CORO1A: variants seen among roughly 807,000 people sequenced by gnomAD.
The protein encoded by CORO1A is coronin-1A.
CORO1A carries 17 observed loss-of-function variants against 44.1 expected under a neutral mutation model. The observed-to-expected ratio is 0.39, with a 90% CI of 0.26 to 0.58. The LOEUF is 0.58. Ranked by LOEUF, CORO1A falls within the 20% of genes least tolerant of loss-of-function variation. The pLI is 0.62. For synonymous variants in CORO1A, 271 were observed against 244.2 expected (o/e 1.11, Z -1.02); for missense variants, 415 against 606.5 (o/e 0.68, Z 3.32).
chr16:30,187,622 A>C, intron 6 of CORO1A, 103 bp from the exon 7 acceptor site: 1 of 1,492,410 alleles, frequency 6.7e-7, no homozygotes, highest in Non-Finnish European at 9.2e-7. Flanking sequence ...CAGGCGTGAG[A>C]TGGTTGTTCC....
At chr16:30,188,731 G>A in intron 10 of CORO1A, 129 bp from the exon 11 acceptor site, 3 of 622,870 alleles carry the variant, frequency 4.8e-6, no homozygotes, top group Non-Finnish European at 8.2e-6. Context: ...TAGGCCTGCA[G>A]GTCTCCAGGC....
Position 30,186,688 on chromosome 16 carries a change from A to G in CORO1A, c.289A>G (p.Ile97Val). The G allele has an allele frequency of 6.2e-7, 1 of 1,613,248 alleles. No homozygotes were observed. Among genetic ancestry groups the G allele is most frequent in the Non-Finnish European group, 8.5e-7 (1 of 1,179,864 alleles). The change falls in exon 3 of 11, where the codon ATT (isoleucine) becomes GTT (valine). Residue 97 changes from isoleucine to valine, a missense_variant. Transcript: ENST00000219150. ...IAWCPHNDNV[I>V]ASGSEDCTVM... ...CTGGTGCCCGCACAATGACAACGTC[A>G]TTGCCAGTGGCTCCGAGGACTGCAC...
chr16:30,185,714 G>T, intron 2 of CORO1A: 1 of 458,948 alleles, frequency 2.2e-6, no homozygotes, highest in East Asian at 4.1e-5. Context: ...AAACACAGAG[G>T]GGGTTGGGAT....
rs138821284 is a variant in CORO1A at position 30,188,528 on chromosome 16, C to T, written c.1233C>T (p.Asp411=). 1.4e-5 allele frequency: 22 copies of T among 1,612,204 alleles called. No homozygotes were observed. In the African/African-American group the frequency reaches 2.8e-4, roughly 21 times the overall value. Residue 411 remains aspartate (D), a synonymous_variant, in exon 10 of 11, where the codon GAC becomes GAT. Transcript: ENST00000219150. ...AGCTGAGGGTCAACCGGGGCCTGGA[C>T]ACCGGGCGCAGGAGGGCAGCACCAG... The part of the protein sequence containing the change: ...SRELRVNRGL[D]TGRRRAAPEA...
chr16:30,187,920 C>T (rs368862536), intron 7 of CORO1A, 22 bp from the exon 8 acceptor site: 39 of 1,613,590 alleles, frequency 2.4e-5, no homozygotes, highest in Non-Finnish European at 3.1e-5. Flanking sequence ...ATTGACCCTC[C>T]CTCCACACCT....
chr16:30,186,033 G>C (rs2073329586), intron 2 of CORO1A: 1 of 207,282 alleles, frequency 4.8e-6, no homozygotes, highest in African/African-American at 2.3e-5. Flanking sequence ...CGGGGTGAGA[G>C]CTGGGCCCGC....
chr16:30,188,016 C>G lies in CORO1A; in HGVS notation c.936C>G (p.Ser312=). 6.2e-7 allele frequency: 1 copy of G among 1,614,080 alleles called. No individual in the cohort carries two copies. The highest frequency in any genetic ancestry group is 2.2e-5 in the East Asian group (1 of 44,866). The part of the protein sequence containing the change: ...PFLHYLSMFS[S]KESQRGMGYM... ...TGCACTATCTCTCCATGTTCAGTTCCAAGGAGTCCCAGCGGGGCATGGGCT... is the reference window on the plus strand; with the variant it reads ...TGCACTATCTCTCCATGTTCAGTTCGAAGGAGTCCCAGCGGGGCATGGGCT... The change falls in exon 8 of 11, where the codon TCC becomes TCG. Residue 312 remains serine (S), a synonymous_variant. Coordinates refer to ENST00000219150, the MANE Select transcript of CORO1A (RefSeq NM_007074.4).
chr16:30,183,668 T>TTCCTCCTCC lies in CORO1A; in HGVS notation c.-52_-44dup, dbSNP rs967452576. 8 of 155,946 alleles carry TTCCTCCTCC rather than the reference T, an allele frequency of 5.1e-5. No individual in the cohort carries two copies. The highest frequency in any genetic ancestry group is 1.9e-4 in the African/African-American group (8 of 41,566). The allele number at this position is 155,946 out of a possible 1,614,324, so 9.7% of individuals were successfully genotyped here. A position where few individuals can be genotyped will look rare whatever the true frequency, so the allele number is the denominator to read the frequency against. The stretch of plus-strand genomic sequence containing the variant: ...CGGCTCCTCCAGCTCCTTCCTCCTC[T>TTCCTCCTCC]TCCTCCTCCTCCTCCACCTCCGGCT... On this transcript the variant is annotated 5_prime_UTR_variant, in exon 1 of 11. Transcript: ENST00000219150. This position sits in a 1 kb window ranked among gnomAD's most constrained non-coding sequence, Gnocchi z 5.0.
At position 30,186,642 on chromosome 16, in the gene CORO1A, A is replaced by G. The variant is rs1336122142; in HGVS notation, c.243A>G (p.Thr81=). The change falls in exon 3 of 11, where the codon ACA becomes ACG. Residue 81 remains threonine (T), a synonymous_variant. Transcript: ENST00000219150. The part of the protein sequence containing the change: ...DKNAPTVCGH[T]APVLDIAWCP... Reference sequence around the variant, plus strand: ...ATGCGCCCACGGTCTGTGGCCACACAGCCCCTGTGCTAGACATCGCCTGGT... The same window carrying G: ...ATGCGCCCACGGTCTGTGGCCACACGGCCCCTGTGCTAGACATCGCCTGGT... The G allele has an allele frequency of 4.3e-6, 7 of 1,613,056 alleles. No homozygotes were observed. Among genetic ancestry groups the G allele is most frequent in the Non-Finnish European group, 5.9e-6 (7 of 1,180,008 alleles).
chr16:30,187,865 G>GGGGGCCCCGGGGGGC, intron 7 of CORO1A, 36 bp downstream of exon 7: 1 of 513,366 alleles, frequency 1.9e-6, no homozygotes, highest in East Asian at 5.8e-5. Flanking sequence ...TGGGAGGTGG[G>GGGGGCCCCGGGGGGC]CAGGATGGGC....
Position 30,189,055 on chromosome 16 carries a change from A to C in CORO1A, c.*91A>C. 7.5e-6 allele frequency: 1 copy of C among 132,704 alleles called. No individual in the cohort carries two copies. The highest frequency in any genetic ancestry group is 1.3e-5 in the Non-Finnish European group (1 of 76,712). 8.2% of individuals were successfully genotyped at this position (132,704 alleles called of 1,614,324 possible). On this transcript the variant is annotated 3_prime_UTR_variant, in exon 11 of 11. Coordinates refer to ENST00000219150, the MANE Select transcript of CORO1A (RefSeq NM_007074.4). ...ACATGGCAGAGAAAAAAATCATAAT[A>C]AAATGGCTTTATTTTCTGGTACCTC... is the stretch of plus-strand genomic sequence containing the variant.
rs376878354 is a variant in CORO1A at position 30,188,257 on chromosome 16, T to A, written c.1065+8T>A. 5.0e-6 allele frequency: 8 copies of A among 1,613,556 alleles called. No homozygotes were observed. The African/African-American group carries it at 9.3e-5, about 19-fold the overall frequency. On this transcript the variant is annotated splice_region_variant and intron_variant, in intron 9 of 10. Coordinates refer to ENST00000219150, the MANE Select transcript of CORO1A (RefSeq NM_007074.4). Reference sequence around the variant, plus strand: ...ATGACAGTGCCTCGAAAGGTGATGCTCCCCCGCCCCACCCTGGGCTCCAGG... The same window carrying A: ...ATGACAGTGCCTCGAAAGGTGATGCACCCCCGCCCCACCCTGGGCTCCAGG...
rs948706914 is a variant in CORO1A at position 30,184,972 on chromosome 16, T to G, written c.-1-237T>G. 1.5e-5 allele frequency: 9 copies of G among 605,264 alleles called. No individual in the cohort carries two copies. In the Admixed American group the frequency reaches 2.5e-4, roughly 17 times the overall value. 37.5% of individuals were successfully genotyped at this position (605,264 alleles called of 1,614,324 possible). ...CTGTTGCAGAGGCTGAGGGTACAGATTGAGAGGGTGGCTCAGAGTGGCCTG... is the reference window on the plus strand; with the variant it reads ...CTGTTGCAGAGGCTGAGGGTACAGAGTGAGAGGGTGGCTCAGAGTGGCCTG... On this transcript the variant is annotated intron_variant, in intron 1 of 10. Transcript: ENST00000219150. This position sits in a 1 kb window ranked among gnomAD's most constrained non-coding sequence, Gnocchi z 4.3.
Position 30,186,588 on chromosome 16 carries a change from G to A in CORO1A, c.199-10G>A, listed in dbSNP as rs755864918. ...GCAAAAGCACCTCCAAGGCCCTGCT[G>A]TGCCTTTAGACTGGACGTGTGGACA... On this transcript the variant is annotated splice_polypyrimidine_tract_variant and intron_variant, in intron 2 of 10. Coordinates refer to ENST00000219150, the MANE Select transcript of CORO1A (RefSeq NM_007074.4). 1 of 1,612,216 alleles carries A rather than the reference G, an allele frequency of 6.2e-7. No homozygotes were observed. The highest frequency in any genetic ancestry group is 1.7e-5 in the Admixed American group (1 of 60,034).
At position 30,186,613 on chromosome 16, in the gene CORO1A, A is replaced by C; in HGVS notation, c.214A>C (p.Lys72Gln). 1 of 1,612,490 alleles carries C rather than the reference A, an allele frequency of 6.2e-7. No homozygotes were observed. Among genetic ancestry groups the C allele is most frequent in the Non-Finnish European group, 8.5e-7 (1 of 1,180,008 alleles). ...GTGCCTTTAGACTGGACGTGTGGAC[A>C]AGAATGCGCCCACGGTCTGTGGCCA... ...LPLGKTGRVD[K>Q]NAPTVCGHTA... is the part of the protein sequence containing the mutation. Residue 72 changes from lysine (K) to glutamine (Q), a missense_variant, in exon 3 of 11, where the codon AAG (lysine) becomes CAG (glutamine). Physicochemically the swap from Lys to Gln is moderately conservative, Grantham distance 53. Transcript: ENST00000219150.
In CORO1A at chr16:30,186,848, G is replaced by A. The variant is rs1444115525; in HGVS notation, c.354G>A (p.Leu118=). 1 of 1,611,598 alleles carries A rather than the reference G, an allele frequency of 6.2e-7. No homozygotes were observed. The highest frequency in any genetic ancestry group is 1.3e-5 in the African/African-American group (1 of 75,036). ...AGATCCCAGATGGGGGCCTGATGCT[G>A]CCCCTGCGGGAGCCCGTCGTCACCC... is the stretch of plus-strand genomic sequence containing the variant. ...VWEIPDGGLM[L]PLREPVVTLE... is the part of the protein sequence containing the mutation. The change falls in exon 4 of 11, where the codon CTG becomes CTA. Residue 118 remains leucine, a synonymous_variant. Transcript: ENST00000219150.
chr16:30,186,952 C>T lies in CORO1A; in HGVS notation c.451+7C>T, dbSNP rs761205413. ...AACGTGCTGCTCAGTGCAGGTGCTG[C>T]GGGAGGAGGGGCTTGGGGGTGGCTC... On this transcript the variant is annotated splice_region_variant and intron_variant, in intron 4 of 10. Transcript: ENST00000219150. 118 of 1,612,596 alleles carry T rather than the reference C, an allele frequency of 7.3e-5. No homozygotes were observed. Among genetic ancestry groups the T allele is most frequent in the Middle Eastern group, 1.6e-4 (1 of 6,082 alleles).
In CORO1A at chr16:30,187,498, C is replaced by T; in HGVS notation, c.753C>T (p.Asp251=). The change falls in exon 6 of 11, where the codon GAC becomes GAT. Residue 251 remains aspartate, a synonymous_variant. Transcript: ENST00000219150. The part of the protein sequence containing the change: ...RMSERQVALW[D]TKHLEEPLSL... ...GTGAGCGGCAGGTGGCGCTGTGGGACACAGTGAGTGCTGGGGCAGGAAGCC... is the reference window on the plus strand; with the variant it reads ...GTGAGCGGCAGGTGGCGCTGTGGGATACAGTGAGTGCTGGGGCAGGAAGCC... 6.2e-7 allele frequency: 1 copy of T among 1,603,804 alleles called. No individual in the cohort carries two copies. The highest frequency in any genetic ancestry group is 8.5e-7 in the Non-Finnish European group (1 of 1,179,742).
chr16:30,186,228 C>G, intron 2 of CORO1A: 1 of 351,164 alleles, frequency 2.8e-6, no homozygotes, highest in South Asian at 2.3e-5. Context: ...CCTCCACCCC[C>G]CCAGCCCCCA....
Sources: allele counts gnomAD v4.1 joint callset, GRCh38; gene constraint gnomAD v4.1.1; non-coding constraint Gnocchi (gnomAD v3.1); transcripts MANE v1.5; gene names NCBI Gene and HGNC (gene_info 2026-07-23, HGNC 2026-07-21).